Variants in RNF212 observed in about 807,000 individuals in gnomAD.
RNF212 encodes the protein probable E3 SUMO-protein ligase RNF212.
In RNF212, 33 loss-of-function variants were observed where a neutral mutation model predicts 34.7. The observed-to-expected ratio is 0.95, with a 90% CI of 0.72 to 1.27. The LOEUF is 1.27. Among genes scored for constraint, RNF212 ranks in the 50% most tolerant of loss-of-function variants. The pLI is 0.00. For missense variants in RNF212, 377 were observed against 362.2 expected, an observed-to-expected ratio of 1.04 and a Z score of -0.33; for synonymous variants, 140 against 136.1, an observed-to-expected ratio of 1.03 and a Z score of -0.20.
intron 5 of RNF212, among the ~76,000 whole-genome samples, chr4:1,084,556 C>T (rs1020872062): frequency 6.6e-6 from 1 of 151,358 alleles, no homozygotes; most frequent in African/African-American, 2.4e-5. Context: ...ATAGTGAGAC[C>T]CCATCTCCAC....
intron 2 of RNF212, among the ~76,000 whole-genome samples, chr4:1,101,775 G>A (rs573406492): frequency 2.6e-5 from 4 of 152,226 alleles, no homozygotes; most frequent in South Asian, 2.1e-4. Flanking sequence ...CCTTCTCAGC[G>A]CAAAAATATC....
chr4:1,093,410 G>A (rs1304016323), intron 3 of RNF212: 2 of 1,414,234 alleles, frequency 1.4e-6, no homozygotes, highest in East Asian at 2.5e-5. Flanking sequence ...GTTGATATTA[G>A]AGCATAAATG....
intron 8 of RNF212, among the ~76,000 whole-genome samples, chr4:1,075,415 G>C (rs906677944): frequency 1.3e-5 from 2 of 152,062 alleles, no homozygotes; most frequent in African/African-American, 4.8e-5. Flanking sequence ...GCTACAATCA[G>C]GGTGGGAGGC....
intron 4 of RNF212, among the ~76,000 whole-genome samples, chr4:1,086,583 A>G (rs1305407816): frequency 1.9e-5 from 1 of 53,312 alleles, no homozygotes; most frequent in African/African-American, 8.4e-5. Flanking sequence ...GGGAAAGAGG[A>G]TGGCATGAGG....
At chr4:1,070,673 T>A (rs564994165), downstream of RNF212, among the ~76,000 whole-genome samples, 21 of 151,822 alleles carry the variant, frequency 1.4e-4, no homozygotes, top group African/African-American at 5.1e-4. Context: ...CAGGTGGTTT[T>A]GTAGGACTGT....
At chr4:1,105,579 T>C (rs4974639) in intron 2 of RNF212, among the ~76,000 whole-genome samples, 123,938 of 152,246 alleles carry the variant, frequency 0.81, 52,118 homozygotes, top group East Asian at 1. Context: ...GAAGTCCACT[T>C]ACAATGTGTT....
At position 1,077,537 on chromosome 4, in the gene RNF212, G is replaced by A. The variant is rs928141475; in HGVS notation, c.510+2106C>T. 1.6e-4 allele frequency among the ~76,000 whole-genome samples: 24 copies of A among 152,310 alleles called. 1 individual carries two copies. The highest frequency in any genetic ancestry group is 1.6e-3 in the Admixed American group (24 of 15,302). On this transcript the variant is annotated intron_variant, in intron 8 of 9. Transcript: ENST00000433731. Reference sequence around the variant, plus strand: ...CGTGAGCCCGACATGCCTGCTGCCTGCCAGTCTTGAGTATTCTCTATCCTC... The same window carrying A: ...CGTGAGCCCGACATGCCTGCTGCCTACCAGTCTTGAGTATTCTCTATCCTC...
intron 4 of RNF212, chr4:1,056,611 T>C (rs956660926): frequency 4.1e-6 from 2 of 488,924 alleles, no homozygotes; most frequent in Middle Eastern, 7.0e-4. Flanking sequence ...CATCTTAGTA[T>C]TTTCAGAGTA....
At chr4:1,096,998 G>A (rs649950) in intron 2 of RNF212, among the ~76,000 whole-genome samples, 159 bp from the exon 3 acceptor site, 25,752 of 152,180 alleles carry the variant, frequency 0.17, 3,958 homozygotes, top group African/African-American at 0.42. Flanking sequence ...GGACAGCCTC[G>A]ATCAACAGGA....
rs993885644 is a variant in RNF212, at chr4:1,113,362, C to G, written c.103G>C (p.Gly35Arg). 3.8e-6 allele frequency: 6 copies of G among 1,575,032 alleles called. No individual in the cohort carries two copies. Among genetic ancestry groups the G allele is most frequent in the Non-Finnish European group, 4.3e-6 (5 of 1,164,164 alleles). ...GCGTTCGGGAAGCCCTGACCTTTGC[C>G]GAGGCAGGCGTCGCAGTACACGTGC... Reference protein sequence around the residue: ...CGHVYCDACLGKGKKNECLIC... With the variant: ...CGHVYCDACLRKGKKNECLIC... Residue 35 changes from glycine to arginine, a missense_variant, in exon 1 of 10, where the codon GGC becomes CGC. Transcript: ENST00000433731.
chr4:1,095,323 AC>A (rs1288726463), intron 3 of RNF212, among the ~76,000 whole-genome samples: 1 of 71,140 alleles, frequency 1.4e-5, no homozygotes, highest in African/African-American at 7.9e-5. Flanking sequence ...TCATCACAGA[AC>A]CAAGCACACC....
downstream of RNF212, among the ~76,000 whole-genome samples, chr4:1,066,884 G>C (rs1718133466): frequency 6.6e-6 from 1 of 151,798 alleles, no homozygotes; most frequent in South Asian, 2.1e-4. Flanking sequence ...ATCCAACATT[G>C]TGAACCTTTT....
chr4:1,109,119 T>C (rs1725272275), intron 1 of RNF212, among the ~76,000 whole-genome samples: 1 of 151,838 alleles, frequency 6.6e-6, no homozygotes, highest in Non-Finnish European at 1.5e-5. Context: ...GTGATTCTCA[T>C]GCCTCAGGCT....
At chr4:1,078,406 G>T (rs1049300903) in intron 8 of RNF212, among the ~76,000 whole-genome samples, 1 of 152,168 alleles carries the variant, frequency 6.6e-6, no homozygotes, top group African/African-American at 2.4e-5. Flanking sequence ...GGCCGATGTG[G>T]TACATCTGGC....
At chr4:1,101,990 C>G (rs1346536901) in intron 2 of RNF212, among the ~76,000 whole-genome samples, 1 of 152,080 alleles carries the variant, frequency 6.6e-6, no homozygotes, top group East Asian at 1.9e-4. Context: ...ACATGGGTCA[C>G]AGGAGAAACT....
intron 4 of RNF212, chr4:1,057,124 C>T: frequency 3.2e-6 from 1 of 308,806 alleles, no homozygotes; most frequent in Non-Finnish European, 4.7e-6. Context: ...CTCTGAGAAC[C>T]TCGGAGCAGC....
Position 1,072,608 on chromosome 4 carries a change from T to TTA in RNF212, c.*265_*266insTA. On this transcript the variant is annotated 3_prime_UTR_variant, in exon 10 of 10. Coordinates refer to ENST00000433731, the MANE Select transcript of RNF212 (RefSeq NM_001131034.4). ...ACCACCCAGTTAGAAAAAAATGATT[T>TTA]AAGTATGTGAAAAAAAAACTCCCTA... 1.0e-6 allele frequency: 1 copy of TTA among 988,892 alleles called. No individual in the cohort carries two copies. The highest frequency in any genetic ancestry group is 1.3e-6 in the Non-Finnish European group (1 of 798,228). The allele number at this position is 988,892 out of a possible 1,614,324, so 61.3% of individuals were successfully genotyped here. A position where few individuals can be genotyped will look rare whatever the true frequency, so the allele number is the denominator to read the frequency against.
intron 1 of RNF212, among the ~76,000 whole-genome samples, chr4:1,108,862 G>A (rs1203433806): frequency 2.0e-5 from 3 of 152,022 alleles, no homozygotes; most frequent in Admixed American, 1.3e-4. Context: ...GCCACAGCCA[G>A]ATAATTTTTA....
chr4:1,079,805 A>G, intron 7 of RNF212, 117 bp from the exon 8 acceptor site: 1 of 775,416 alleles, frequency 1.3e-6, no homozygotes, highest in Non-Finnish European at 2.3e-6. Context: ...CTCTAGCTTC[A>G]TGCTGCGGCC....
Sources: gnomAD v4.1 joint callset for allele counts (sites outside exome capture counted in the v4.1 genomes callset) on GRCh38, gnomAD v4.1.1 for gene constraint, MANE v1.5 for transcripts, NCBI Gene and HGNC (gene_info 2026-07-23, HGNC 2026-07-21) for gene names.